Variants in TDRD10 observed in about 807,000 individuals in gnomAD.
TDRD10 encodes the protein tudor domain-containing protein 10.
TDRD10 carries 40 observed loss-of-function variants against 48.0 expected under a neutral mutation model. The observed-to-expected ratio is 0.83, with a 90% confidence interval of 0.65 to 1.09. TDRD10 has a LOEUF of 1.09. Among genes scored for constraint, TDRD10 ranks in the 50% least tolerant of loss-of-function variants. The probability of loss-of-function intolerance (pLI) is 0.00; values close to 1 mark genes in which losing one functional copy is unlikely to be tolerated. For synonymous variants in TDRD10, 162 were observed against 170.4 expected (o/e 0.95, Z 0.38); for missense variants, 378 against 434.7 (o/e 0.87, Z 1.16).
chr1:154,508,526 C>A (rs767470739), intron 4 of TDRD10, 45 bp downstream of exon 4: 36 of 1,317,660 alleles, frequency 2.7e-5, no homozygotes, highest in Admixed American at 5.1e-5. Flanking sequence ...TTGGCCTTCC[C>A]ATATGACTTA....
chr1:154,542,548 A>G (rs978740828), intron 7 of TDRD10, among the ~76,000 whole-genome samples, 183 bp from the exon 8 acceptor site: 5 of 152,194 alleles, frequency 3.3e-5, no homozygotes, highest in African/African-American at 1.2e-4. Flanking sequence ...TTCTTAAAGA[A>G]TATCATCCGA....
At chr1:154,538,163 A>G (rs1463472055) in intron 6 of TDRD10, among the ~76,000 whole-genome samples, 1 of 152,190 alleles carries the variant, frequency 6.6e-6, no homozygotes, top group Non-Finnish European at 1.5e-5. Flanking sequence ...TAATAATTAG[A>G]CCAAAAATGA....
chr1:154,503,760 G>A (rs1570879318), intron 1 of TDRD10, among the ~76,000 whole-genome samples: 1 of 145,484 alleles, frequency 6.9e-6, no homozygotes, highest in South Asian at 2.1e-4. Flanking sequence ...GACTGTGGAC[G>A]GCCTCATTTG....
At position 154,527,141 on chromosome 1, in the gene TDRD10, C is replaced by T. The variant is rs1694361538; in HGVS notation, c.369+5662C>T. 2.0e-5 allele frequency among the ~76,000 whole-genome samples: 3 copies of T among 149,414 alleles called. No individual in the cohort carries two copies. In the South Asian group the frequency reaches 6.4e-4, roughly 32 times the overall value. On this transcript the variant is annotated intron_variant, in intron 6 of 12. Coordinates refer to ENST00000368482, the MANE Select transcript of TDRD10 (RefSeq NM_182499.4). ...GGGCAGGCTGGTCTAGAACACCTGACCTTAGGTGATCCGCCTGCCTCTGCC... is the reference window on the plus strand; with the variant it reads ...GGGCAGGCTGGTCTAGAACACCTGATCTTAGGTGATCCGCCTGCCTCTGCC...
At chr1:154,515,043 T>C (rs931474250) in intron 4 of TDRD10, among the ~76,000 whole-genome samples, 1 of 151,896 alleles carries the variant, frequency 6.6e-6, no homozygotes, top group Non-Finnish European at 1.5e-5. Flanking sequence ...AATTTTTGTA[T>C]TTTTAGTAGA....
chr1:154,548,097 A>G lies in TDRD10; in HGVS notation c.*387A>G, dbSNP rs1695705072. 2 of 259,550 alleles carry G rather than the reference A, an allele frequency of 7.7e-6. No homozygotes were observed. The highest frequency in any genetic ancestry group is 1.5e-5 in the Non-Finnish European group (2 of 135,172). 16.1% of individuals were successfully genotyped at this position (259,550 alleles called of 1,614,324 possible). On this transcript the variant is annotated 3_prime_UTR_variant, in exon 13 of 13. Transcript: ENST00000368482. ...GTTTTCCTGGCATTCCATGTAGAAT[A>G]GGTAGAGAATATTTAACCAATGAGC...
At chr1:154,533,894 T>TG (rs199523039) in intron 6 of TDRD10, among the ~76,000 whole-genome samples, 22 of 110,490 alleles carry the variant, frequency 2.0e-4, no homozygotes, top group Admixed American at 1.3e-3. Flanking sequence ...TATATATATA[T>TG]TTTTTTTTAA....
chr1:154,545,539 A>G (rs144644703), intron 11 of TDRD10, among the ~76,000 whole-genome samples: 68 of 152,302 alleles, frequency 4.5e-4, no homozygotes, highest in Non-Finnish European at 8.7e-4. Context: ...ATACATACAC[A>G]TACACAGGAA....
At chr1:154,524,707 G>A (rs773559068) in intron 6 of TDRD10, among the ~76,000 whole-genome samples, 10 of 152,100 alleles carry the variant, frequency 6.6e-5, no homozygotes, top group Non-Finnish European at 1.0e-4. Flanking sequence ...AGGGTCTCAG[G>A]TGAGTGCTCC....
chr1:154,530,937 C>T (rs1158109042), intron 6 of TDRD10, among the ~76,000 whole-genome samples: 2 of 151,150 alleles, frequency 1.3e-5, no homozygotes, highest in Non-Finnish European at 2.9e-5. Context: ...GGTCTTGGCT[C>T]AAGCGGTTCT....
At chr1:154,545,076 C>A in intron 11 of TDRD10, 127 bp downstream of exon 11, 1 of 1,298,052 alleles carries the variant, frequency 7.7e-7, no homozygotes, top group Non-Finnish European at 1.0e-6. Flanking sequence ...TCCACCCAAC[C>A]CCAGTTTTCA....
intron 6 of TDRD10, among the ~76,000 whole-genome samples, chr1:154,536,501 T>C (rs957227400): frequency 2.0e-5 from 3 of 152,258 alleles, no homozygotes; most frequent in Admixed American, 1.3e-4. Context: ...CCCATTCTTA[T>C]ATTTTAGAAA....
chr1:154,547,712 G>A lies in TDRD10; in HGVS notation c.*2G>A. 3.1e-6 allele frequency: 5 copies of A among 1,613,322 alleles called. No homozygotes were observed. The highest frequency in any genetic ancestry group is 2.2e-5 in the East Asian group (1 of 44,882). ...CTAAAGTTTGAAGAGTCTAAATAAC[G>A]GGGCTTCCCTCAGCATGTTCCCTCT... On this transcript the variant is annotated 3_prime_UTR_variant, in exon 13 of 13. Coordinates refer to ENST00000368482, the MANE Select transcript of TDRD10 (RefSeq NM_182499.4).
chr1:154,521,030 CA>C (rs1694027397), intron 5 of TDRD10, among the ~76,000 whole-genome samples: 1 of 152,204 alleles, frequency 6.6e-6, no homozygotes, highest in Non-Finnish European at 1.5e-5. Flanking sequence ...TGAGCCACCA[CA>C]CCTGGCTTGC....
intron 6 of TDRD10, among the ~76,000 whole-genome samples, chr1:154,521,849 C>G (rs952928447): frequency 6.6e-6 from 1 of 152,062 alleles, no homozygotes; most frequent in African/African-American, 2.4e-5. Context: ...AAGTGTAAGA[C>G]AAAAGTCAAT....
In TDRD10 at chr1:154,547,568, A is replaced by G. The variant is rs1160075616; in HGVS notation, c.1023+89A>G. On this transcript the variant is annotated intron_variant, in intron 12 of 12. Transcript: ENST00000368482. ...CAGGCTGCTGCCTAGGCCTGGACAC[A>G]GTATTTACCTGGCATTCTTTTAGAT... 3.1e-6 allele frequency: 5 copies of G among 1,614,116 alleles called. No homozygotes were observed. In the African/African-American group the frequency reaches 4.0e-5, roughly 13 times the overall value.
chr1:154,530,023 T>G (rs6427724), intron 6 of TDRD10, among the ~76,000 whole-genome samples: 1 of 151,910 alleles, frequency 6.6e-6, no homozygotes, highest in African/African-American at 2.4e-5. Context: ...TTCTTTTTTT[T>G]TCTGAGACAG....
chr1:154,506,698 C>A (rs929150914), intron 1 of TDRD10, among the ~76,000 whole-genome samples, 179 bp from the exon 2 acceptor site: 1 of 152,180 alleles, frequency 6.6e-6, no homozygotes, highest in Non-Finnish European at 1.5e-5. Context: ...TGATGGGCAA[C>A]CTTAACTCCA....
At chr1:154,545,883 G>A (rs997947821) in intron 11 of TDRD10, among the ~76,000 whole-genome samples, 8 of 134,278 alleles carry the variant, frequency 6.0e-5, no homozygotes, top group African/African-American at 1.1e-4. Flanking sequence ...TAATTCTCCC[G>A]CCTCAGCCTC....
Sources: gnomAD v4.1 joint callset for allele counts (sites outside exome capture counted in the v4.1 genomes callset) on GRCh38, gnomAD v4.1.1 for gene constraint, MANE v1.5 for transcripts, NCBI Gene and HGNC (gene_info 2026-07-23, HGNC 2026-07-21) for gene names.